Variants in COBL observed in about 807,000 individuals in gnomAD.
COBL encodes cordon-bleu WH2 repeat protein.
Under a neutral mutation model 98.8 loss-of-function variants are expected in COBL, and 51 were observed. The ratio of observed to expected loss-of-function variants is 0.52; its 90% CI spans 0.41 to 0.65. COBL has a LOEUF of 0.65. COBL is among the 30% of genes least tolerant of loss of function. The pLI is 0.00. For missense variants in COBL, 1,617 were observed against 1,617.5 expected (o/e 1.00, Z 0.01); for synonymous variants, 634 against 651.7 (o/e 0.97, Z 0.41).
chr7:51,181,598 C>G (rs755355661), intron 5 of COBL, among the ~76,000 whole-genome samples: 3 of 152,186 alleles, frequency 2.0e-5, no homozygotes, highest in Non-Finnish European at 4.4e-5. Context: ...GAGCATTCCC[C>G]AAGGCAAACG....
At chr7:51,085,952 C>T (rs1420092583) in intron 6 of COBL, among the ~76,000 whole-genome samples, 2 of 152,176 alleles carry the variant, frequency 1.3e-5, no homozygotes, top group African/African-American at 4.8e-5. Context: ...CTGCTCACAG[C>T]TTTCAACAGT....
chr7:51,310,400 G>A (rs1323000945), intron 1 of COBL, among the ~76,000 whole-genome samples: 11 of 152,144 alleles, frequency 7.2e-5, no homozygotes, highest in African/African-American at 7.2e-5. Flanking sequence ...TAATCCTCCC[G>A]CTGTCTGCCT....
At chr7:51,097,373 T>A (rs1308499328) in intron 6 of COBL, among the ~76,000 whole-genome samples, 1 of 152,192 alleles carries the variant, frequency 6.6e-6, no homozygotes, top group African/African-American at 2.4e-5. Flanking sequence ...GAAAGCTTTC[T>A]CTTTAAGACG....
chr7:51,193,249 C>T, intron 3 of COBL, 130 bp downstream of exon 3: 1 of 737,272 alleles, frequency 1.4e-6, no homozygotes, highest in South Asian at 1.9e-5. Context: ...CCTAGCTTTG[C>T]CTGGCATGAA....
intron 10 of COBL, 72 bp downstream of exon 10, chr7:51,027,640 T>G: frequency 3.9e-6 from 5 of 1,276,504 alleles, no homozygotes; most frequent in Non-Finnish European, 5.5e-6. Flanking sequence ...TCCGCTTTAT[T>G]CTGAGACTCT....
intron 1 of COBL, among the ~76,000 whole-genome samples, chr7:51,279,662 A>G (rs1799633547): frequency 6.6e-6 from 1 of 152,162 alleles, no homozygotes; most frequent in African/African-American, 2.4e-5. Context: ...ACCTACATTA[A>G]GGTTCACCTG....
rs1787734428 is a variant in COBL, at chr7:51,027,934, T to A, written c.3162A>T (p.Gly1054=). ...GAATGTGGCTTTCTGTGCCAGACCC[T>A]CCTGGAGGGTGGGAAGGCTCGCCGT... The part of the protein sequence containing the change: ...PGHGEPSHPP[G]GSGTESHILL... The change falls in exon 10 of 13, where the codon GGA becomes GGT. Residue 1054 remains glycine (G), a synonymous_variant. Coordinates refer to ENST00000265136, the MANE Select transcript of COBL (RefSeq NM_015198.5). The A allele has an allele frequency of 1.2e-6, 2 of 1,613,330 alleles. No individual in the cohort carries two copies. The highest frequency in any genetic ancestry group is 1.7e-6 in the Non-Finnish European group (2 of 1,179,518).
At chr7:51,232,179 A>T (rs1794813262) in intron 1 of COBL, among the ~76,000 whole-genome samples, 1 of 152,194 alleles carries the variant, frequency 6.6e-6, no homozygotes, top group South Asian at 2.1e-4. Flanking sequence ...AGTCTAATCC[A>T]TTCTACAAAC....
At chr7:51,083,066 A>G in intron 7 of COBL, 1 of 1,466,020 alleles carries the variant, frequency 6.8e-7, no homozygotes, top group Non-Finnish European at 9.1e-7. Context: ...ACGTTTGGGT[A>G]TCGGGTCTGA....
chr7:51,069,242 A>G (rs985732801), intron 7 of COBL, among the ~76,000 whole-genome samples: 13 of 152,250 alleles, frequency 8.5e-5, no homozygotes, highest in African/African-American at 3.1e-4. Flanking sequence ...AGGCAGAAAC[A>G]GGCCAGAGAT....
intron 7 of COBL, among the ~76,000 whole-genome samples, chr7:51,063,825 A>G (rs1456352453): frequency 1.3e-5 from 2 of 152,246 alleles, no homozygotes; most frequent in African/African-American, 4.8e-5. Flanking sequence ...ACTCCAACCC[A>G]GCAGCCCCCG....
chr7:51,104,629 T>C (rs1005873379), intron 6 of COBL, among the ~76,000 whole-genome samples: 4 of 152,136 alleles, frequency 2.6e-5, no homozygotes, highest in African/African-American at 9.7e-5. Context: ...AGTTTTCTTC[T>C]CACCATCACC....
chr7:51,025,530 C>CA (rs1469610847), intron 11 of COBL, among the ~76,000 whole-genome samples, 158 bp from the exon 12 acceptor site: 2 of 152,028 alleles, frequency 1.3e-5, no homozygotes, highest in Non-Finnish European at 2.9e-5. Context: ...TGCTCTTATA[C>CA]AAAAAAGGCT....
intron 2 of COBL, among the ~76,000 whole-genome samples, chr7:51,218,551 G>A (rs894934094): frequency 3.9e-5 from 6 of 152,166 alleles, no homozygotes; most frequent in Non-Finnish European, 7.3e-5. Context: ...TCGGTTCACT[G>A]CAACCTCTGT....
In COBL at chr7:51,316,581, G is replaced by GGGGCCGCTTACCCGGTCGGGGGCT; in HGVS notation, c.29_41+11dup. 8.3e-7 allele frequency: 1 copy of GGGGCCGCTTACCCGGTCGGGGGCT among 1,208,990 alleles called. No individual in the cohort carries two copies. The highest frequency in any genetic ancestry group is 1.0e-6 in the Non-Finnish European group (1 of 973,216). 74.9% of individuals were successfully genotyped at this position (1,208,990 alleles called of 1,614,324 possible). A position where few individuals can be genotyped will look rare whatever the true frequency, so the allele number is the denominator to read the frequency against. ...CCCCCTCTCCACCCCGCCCGACCGC[G>GGGGCCGCTTACCCGGTCGGGGGCT]GGGCCGCTTACCCGGTCGGGGGCTT... On this transcript the variant is annotated intron_variant, in intron 1 of 12. Transcript: ENST00000265136.
chr7:51,171,960 A>G lies in COBL; in HGVS notation c.783+12142T>C, dbSNP rs545707125. Among the ~76,000 whole-genome samples, 22 of 152,354 alleles carry G rather than the reference A, an allele frequency of 1.4e-4. No homozygotes were observed. In the South Asian group the frequency reaches 4.3e-3, roughly 30 times the overall value. On this transcript the variant is annotated intron_variant, in intron 5 of 12. Coordinates refer to ENST00000265136, the MANE Select transcript of COBL (RefSeq NM_015198.5). ...TTTATTAGATACATTTAAAATGTCA[A>G]TATTTATAAGATGTCATGAATTACA...
intron 5 of COBL, among the ~76,000 whole-genome samples, chr7:51,152,181 C>G (rs1785627769): frequency 6.6e-6 from 1 of 152,214 alleles, no homozygotes; most frequent in African/African-American, 2.4e-5. Context: ...GCACAAGGGA[C>G]AGGCCCAAGA....
chr7:51,113,804 A>G (rs1216970883), intron 6 of COBL, among the ~76,000 whole-genome samples: 2 of 152,160 alleles, frequency 1.3e-5, no homozygotes, highest in Non-Finnish European at 2.9e-5. Context: ...AATTTGATGG[A>G]ATTAAGTGTG....
intron 2 of COBL, among the ~76,000 whole-genome samples, chr7:51,200,288 T>A (rs1790995162): frequency 6.6e-6 from 1 of 152,164 alleles, no homozygotes; most frequent in Non-Finnish European, 1.5e-5. Flanking sequence ...ATAAACAGCA[T>A]CATGAAAGCA....
Sources: gnomAD v4.1 joint callset for allele counts (sites outside exome capture counted in the v4.1 genomes callset) on GRCh38, gnomAD v4.1.1 for gene constraint, MANE v1.5 for transcripts, NCBI Gene and HGNC (gene_info 2026-07-23, HGNC 2026-07-21) for gene names.